SBF2: variants seen among roughly 807,000 people sequenced by gnomAD.
The protein encoded by SBF2 is myotubularin-related protein 13.
SBF2 carries 112 observed loss-of-function variants against 225.2 expected under a neutral mutation model. That is an observed-to-expected ratio of 0.50 (90% CI 0.43 to 0.58). The LOEUF (loss-of-function observed/expected upper bound fraction) is 0.58, where lower values mean the gene tolerates loss of function less well. Ranked by LOEUF, SBF2 falls within the 20% of genes least tolerant of loss-of-function variation. SBF2 has a pLI of 0.00. For missense variants in SBF2, 1,996 were observed against 2,206.2 expected (o/e 0.90, Z 1.91); for synonymous variants, 763 against 773.3 (o/e 0.99, Z 0.22).
At chr11:9,843,392 C>A (rs995672171) in intron 24 of SBF2, among the ~76,000 whole-genome samples, 4 of 152,138 alleles carry the variant, frequency 2.6e-5, no homozygotes, top group Non-Finnish European at 4.4e-5. Context: ...ACTTGAGTAT[C>A]CTTTTGAGAA....
Position 9,963,861 on chromosome 11 carries a change from G to T in SBF2, c.1622C>A (p.Thr541Lys), listed in dbSNP as rs372109447. The T allele has an allele frequency of 2.5e-6, 4 of 1,600,354 alleles. No individual in the cohort carries two copies. Among genetic ancestry groups the T allele is most frequent in the Admixed American group, 3.3e-5 (2 of 59,876 alleles). ...PPVVSIMDKV[T>K]TVFNSAQRLE... Reference sequence around the variant, plus strand: ...TCTTTGTGCACTGTTGAAAACTGTCGTCACCTTGTCCATTATCGAAACTAG... The same window carrying T: ...TCTTTGTGCACTGTTGAAAACTGTCTTCACCTTGTCCATTATCGAAACTAG... The change falls in exon 15 of 40, where the codon ACG becomes AAG. Residue 541 changes from threonine (T) to lysine (K), a missense_variant. By Grantham distance (78) the Thr-to-Lys change is moderately conservative. Transcript: ENST00000256190.
intron 1 of SBF2, among the ~76,000 whole-genome samples, chr11:10,290,657 T>A (rs1195270296): frequency 6.6e-6 from 1 of 152,108 alleles, no homozygotes; most frequent in Non-Finnish European, 1.5e-5. Flanking sequence ...GAAGCCAGAT[T>A]TCTCACTGTC....
At chr11:10,304,016 G>A (rs948452438) in intron 1 of SBF2, among the ~76,000 whole-genome samples, 2 of 152,170 alleles carry the variant, frequency 1.3e-5, no homozygotes, top group Non-Finnish European at 2.9e-5. Flanking sequence ...CCGTGCTAGC[G>A]TGTCGGGCCG....
intron 16 of SBF2, among the ~76,000 whole-genome samples, chr11:9,910,337 A>G (rs974125226): frequency 6.6e-6 from 1 of 152,242 alleles, no homozygotes; most frequent in African/African-American, 2.4e-5. Context: ...CTGTGCTGCC[A>G]GTCTCATAAA....
chr11:10,261,328 G>A (rs533726388), intron 1 of SBF2, among the ~76,000 whole-genome samples: 6 of 152,186 alleles, frequency 3.9e-5, no homozygotes, highest in Admixed American at 6.5e-5. Context: ...TCAACTTACC[G>A]GGTAGTGGGG....
In SBF2 at chr11:10,206,675, A is replaced by G. The variant is rs555163426; in HGVS notation, c.56-12688T>C. Among the ~76,000 whole-genome samples the G allele has an allele frequency of 4.6e-5, 7 of 152,270 alleles. No individual in the cohort carries two copies. In the South Asian group the frequency reaches 1.5e-3, roughly 32 times the overall value. ...TTATAAATCAAACAGAAATTATAAA[A>G]CTAAAAAATAAAATATCCAAAATTA... On this transcript the variant is annotated intron_variant, in intron 1 of 39. Coordinates refer to ENST00000256190, the MANE Select transcript of SBF2 (RefSeq NM_030962.4).
intron 1 of SBF2, among the ~76,000 whole-genome samples, chr11:10,283,689 C>A (rs746529292): frequency 5.9e-5 from 9 of 151,864 alleles, no homozygotes; most frequent in African/African-American, 2.2e-4. Flanking sequence ...CTGGACAAAT[C>A]TCAGTAAAAG....
rs370966770 is a variant in SBF2, at chr11:10,261,185, C to G, written c.55+32830G>C. Among the ~76,000 whole-genome samples, 33 of 152,092 alleles carry G rather than the reference C, an allele frequency of 2.2e-4. No homozygotes were observed. In the East Asian group the frequency reaches 2.3e-3, roughly 11 times the overall value. ...AAATACTGATGAGATTATAGAGTAACTGAAATTCTCTTTTTGTTGTAGTTG... is the reference window on the plus strand; with the variant it reads ...AAATACTGATGAGATTATAGAGTAAGTGAAATTCTCTTTTTGTTGTAGTTG... On this transcript the variant is annotated intron_variant, in intron 1 of 39. Transcript: ENST00000256190.
At chr11:10,288,567 G>A (rs917095917) in intron 1 of SBF2, among the ~76,000 whole-genome samples, 1 of 152,066 alleles carries the variant, frequency 6.6e-6, no homozygotes, top group Non-Finnish European at 1.5e-5. Flanking sequence ...TTGTCCTGCT[G>A]TCTGCAGCTC....
At chr11:9,792,741 G>A (rs920971875) in intron 33 of SBF2, among the ~76,000 whole-genome samples, 3 of 142,612 alleles carry the variant, frequency 2.1e-5, no homozygotes, top group South Asian at 2.2e-4. Flanking sequence ...TCTAGGATTC[G>A]AAATGCATGT....
At chr11:9,980,842 A>G (rs1306264199) in intron 13 of SBF2, among the ~76,000 whole-genome samples, 1 of 152,260 alleles carries the variant, frequency 6.6e-6, no homozygotes, top group Non-Finnish European at 1.5e-5. Context: ...CTGGGATTAC[A>G]GGCATGAGCC....
At chr11:10,284,053 ATCTT>A (rs1176249171) in intron 1 of SBF2, among the ~76,000 whole-genome samples, 12 of 152,226 alleles carry the variant, frequency 7.9e-5, no homozygotes, top group Non-Finnish European at 1.6e-4. Flanking sequence ...TAGTAAGGGT[ATCTT>A]TCTATCTTCC....
chr11:10,196,866 A>ATATATATATATATATTTTTTT, intron 1 of SBF2, among the ~76,000 whole-genome samples: 16 of 99,310 alleles, frequency 1.6e-4, no homozygotes, highest in African/African-American at 4.0e-4. Flanking sequence ...ATATATATAT[A>ATATATATATATATATTTTTTT]TTTTTTTTTT....
At chr11:10,173,580 G>C (rs1237424820) in intron 2 of SBF2, among the ~76,000 whole-genome samples, 1 of 152,192 alleles carries the variant, frequency 6.6e-6, no homozygotes, top group Non-Finnish European at 1.5e-5. Flanking sequence ...AGCGAGGCTG[G>C]GGGAGGGGCG....
intron 3 of SBF2, among the ~76,000 whole-genome samples, chr11:10,042,156 A>T (rs1017891545): frequency 5.9e-5 from 9 of 152,178 alleles, no homozygotes; most frequent in African/African-American, 2.2e-4. Context: ...CCAAGTGGTA[A>T]AAGGTGGAAG....
At chr11:9,951,264 A>C (rs1274683915) in intron 16 of SBF2, among the ~76,000 whole-genome samples, 2 of 152,258 alleles carry the variant, frequency 1.3e-5, no homozygotes, top group Admixed American at 6.5e-5. Flanking sequence ...GGGCCAAGAT[A>C]AGATCAGAAT....
intron 16 of SBF2, chr11:9,961,402 C>T (rs530717935): frequency 1.3e-5 from 2 of 152,556 alleles, no homozygotes; most frequent in African/African-American, 2.4e-5. Flanking sequence ...GACTCTCTAA[C>T]AAGGGAGGCA....
At chr11:10,065,567 T>C (rs552195609) in intron 2 of SBF2, among the ~76,000 whole-genome samples, 51 of 152,334 alleles carry the variant, frequency 3.3e-4, no homozygotes, top group African/African-American at 1.2e-3. Flanking sequence ...AGAATTTCTA[T>C]AGCTATTAAA....
intron 1 of SBF2, among the ~76,000 whole-genome samples, chr11:10,258,834 G>A (rs1961151147): frequency 6.6e-6 from 1 of 152,166 alleles, no homozygotes; most frequent in South Asian, 2.1e-4. Flanking sequence ...AAACAATAAA[G>A]CAGAGGGTCC....
Sources: allele counts gnomAD v4.1 joint callset (sites outside exome capture counted in the v4.1 genomes callset), GRCh38; gene constraint gnomAD v4.1.1; transcripts MANE v1.5; gene names NCBI Gene and HGNC (gene_info 2026-07-23, HGNC 2026-07-21).